The following FH variants were observed in gnomAD, a reference collection of about 807,000 sequenced individuals.
FH encodes fumarate hydratase, also known as fumarate hydratase, mitochondrial.
Under a neutral mutation model 49.4 loss-of-function variants are expected in FH, and 22 were observed. The ratio of observed to expected loss-of-function variants is 0.45; its 90% CI spans 0.32 to 0.64. FH has a LOEUF of 0.64. Ranked by LOEUF, FH falls within the 30% of genes least tolerant of loss-of-function variation. The probability of loss-of-function intolerance (pLI) is 0.05; values close to 1 mark genes in which losing one functional copy is unlikely to be tolerated. For missense variants in FH, 526 were observed against 641.5 expected, an observed-to-expected ratio of 0.82 and a Z score of 1.95; for synonymous variants, 208 against 223.0, an observed-to-expected ratio of 0.93 and a Z score of 0.60.
rs2147915063 is a variant in FH, at chr1:241,502,585, C to A, written c.1109-15G>T. The A allele has an allele frequency of 1.2e-6, 2 of 1,613,748 alleles. No individual in the cohort carries two copies. The highest frequency in any genetic ancestry group is 1.1e-5 in the South Asian group (1 of 91,062). On this transcript the variant is annotated splice_polypyrimidine_tract_variant and intron_variant, in intron 7 of 9. Transcript: ENST00000366560. Reference sequence around the variant, plus strand: ...GTTCACCTTGCCTTCAAGAAAACCACCAATGACAGAGTAAAGACTAAATTT... The same window carrying A: ...GTTCACCTTGCCTTCAAGAAAACCAACAATGACAGAGTAAAGACTAAATTT...
At chr1:241,504,780 T>C (rs1256889277) in intron 6 of FH, among the ~76,000 whole-genome samples, 1 of 152,040 alleles carries the variant, frequency 6.6e-6, no homozygotes, top group Non-Finnish European at 1.5e-5. Flanking sequence ...ATAACAAGTA[T>C]GATAAATGTA....
At chr1:241,503,099 C>T (rs1221601992) in intron 7 of FH, among the ~76,000 whole-genome samples, 1 of 152,134 alleles carries the variant, frequency 6.6e-6, no homozygotes, top group Non-Finnish European at 1.5e-5. Context: ...GGACAAGCTC[C>T]AAGTTTGAAT....
chr1:241,505,878 G>A, intron 6 of FH, 125 bp downstream of exon 6: 1 of 951,746 alleles, frequency 1.1e-6, no homozygotes, highest in South Asian at 1.4e-5. Context: ...TAAAACACAT[G>A]TTTGATGGAA....
rs1365119112 is a variant in FH, at chr1:241,512,000, A to T, written c.522T>A (p.Pro174=). ...TATTAACATGATCGTTGGGATGCACAGGTATCTTGCTGCCAAGTTCACCTC... is the reference window on the plus strand; with the variant it reads ...TATTAACATGATCGTTGGGATGCACTGGTATCTTGCTGCCAAGTTCACCTC... The part of the protein sequence containing the change: ...MLGGELGSKI[P]VHPNDHVNKS... The change falls in exon 4 of 10, where the codon CCT becomes CCA. Residue 174 remains proline (P), a synonymous_variant. Transcript: ENST00000366560. 1.9e-6 allele frequency: 3 copies of T among 1,614,030 alleles called. No homozygotes were observed. The highest frequency in any genetic ancestry group is 1.7e-6 in the Non-Finnish European group (2 of 1,179,958).
At chr1:241,514,789 C>T (rs1179250013) in intron 2 of FH, among the ~76,000 whole-genome samples, 4 of 152,170 alleles carry the variant, frequency 2.6e-5, no homozygotes, top group Non-Finnish European at 5.9e-5. Flanking sequence ...AAACGTTTGA[C>T]TCAAACGAAA....
intron 1 of FH, chr1:241,519,211 C>G (rs1660299569): frequency 4.4e-6 from 1 of 225,078 alleles, no homozygotes; most frequent in African/African-American, 2.4e-5. Flanking sequence ...ACCCTCCGCC[C>G]ACGCCGGCAC....
At chr1:241,510,997 A>G (rs988348306) in intron 4 of FH, among the ~76,000 whole-genome samples, 1 of 152,214 alleles carries the variant, frequency 6.6e-6, no homozygotes, top group African/African-American at 2.4e-5. Context: ...TCAAAAATTC[A>G]AAAGTCTCAA....
At chr1:241,517,587 T>A (rs1354173248) in intron 1 of FH, among the ~76,000 whole-genome samples, 6 of 152,188 alleles carry the variant, frequency 3.9e-5, no homozygotes, top group African/African-American at 1.4e-4. Flanking sequence ...ATACAAATAG[T>A]AATCTTTTCC....
intron 4 of FH, among the ~76,000 whole-genome samples, chr1:241,510,030 C>T (rs1660043528): frequency 1.3e-5 from 2 of 152,124 alleles, no homozygotes; most frequent in Non-Finnish European, 2.9e-5. Context: ...TCATCTATAA[C>T]TCTACCTTTC....
chr1:241,518,246 A>G (rs1243171229), intron 1 of FH, among the ~76,000 whole-genome samples: 3 of 152,210 alleles, frequency 2.0e-5, no homozygotes, highest in African/African-American at 7.2e-5. Flanking sequence ...AGAAAAAACA[A>G]AAACTACCTC....
chr1:241,514,261 T>C (rs1188270277), intron 2 of FH, among the ~76,000 whole-genome samples: 1 of 152,132 alleles, frequency 6.6e-6, no homozygotes, highest in Non-Finnish European at 1.5e-5. Flanking sequence ...CAAAAAGCAA[T>C]CTATTCTACT....
chr1:241,509,778 AACAC>A (rs71174810), intron 4 of FH, among the ~76,000 whole-genome samples: 30,723 of 139,096 alleles, frequency 0.22, 3,567 homozygotes, highest in Non-Finnish European at 0.28. Context: ...ACAATCTCTA[AACAC>A]ACACACACAC....
intron 7 of FH, among the ~76,000 whole-genome samples, chr1:241,503,829 G>A (rs1390123370): frequency 3.3e-5 from 5 of 152,224 alleles, no homozygotes; most frequent in Admixed American, 6.5e-5. Context: ...TGTGGGATTC[G>A]AAATACTTGC....
chr1:241,505,558 C>G (rs1374818686), intron 6 of FH, among the ~76,000 whole-genome samples: 3 of 152,054 alleles, frequency 2.0e-5, no homozygotes, highest in African/African-American at 7.2e-5. Flanking sequence ...GTATAATACT[C>G]TCTCTACTAA....
At chr1:241,515,555 C>T (rs959521735) in intron 2 of FH, among the ~76,000 whole-genome samples, 10 of 152,122 alleles carry the variant, frequency 6.6e-5, no homozygotes, top group African/African-American at 2.2e-4. Flanking sequence ...AAAGATTCAG[C>T]TGCCTGTTGT....
In FH at chr1:241,519,413, C is replaced by T. The variant is rs371252889; in HGVS notation, c.132+178G>A. 1,246 of 709,180 alleles carry T rather than the reference C, an allele frequency of 1.8e-3. 10 individuals carry two copies. In the African/African-American group the frequency reaches 0.019, roughly 11 times the overall value. The allele number at this position is 709,180 out of a possible 1,614,324, so 43.9% of individuals were successfully genotyped here. A position where few individuals can be genotyped will look rare whatever the true frequency, so the allele number is the denominator to read the frequency against. On this transcript the variant is annotated intron_variant, in intron 1 of 9. Transcript: ENST00000366560. ...CCGGGCTGCGGCTCCATCCCTGCGC[C>T]GGAAGAGGCGTCCCGAGGCCGGGAG...
intron 2 of FH, among the ~76,000 whole-genome samples, chr1:241,514,964 C>A (rs1660178613): frequency 6.6e-6 from 1 of 152,084 alleles, no homozygotes; most frequent in Admixed American, 6.5e-5. Flanking sequence ...GAGTGAATGA[C>A]CCCCAGTGTT....
chr1:241,507,284 G>T (rs926304201), intron 5 of FH, among the ~76,000 whole-genome samples: 1 of 152,140 alleles, frequency 6.6e-6, no homozygotes, highest in Non-Finnish European at 1.5e-5. Context: ...AAAAGGCTAT[G>T]CCATATAGCC....
chr1:241,512,062 T>G lies in FH; in HGVS notation c.460A>C (p.Asn154His), dbSNP rs1660099016. ...GSGTQTNMNVNEVISNRAIEM... is the reference protein window; with the variant it reads ...GSGTQTNMNVHEVISNRAIEM... ...ATTGCTCTATTGCTAATGACTTCATTTACATTCATATTTGTCTGAGTTCCT... is the reference window on the plus strand; with the variant it reads ...ATTGCTCTATTGCTAATGACTTCATGTACATTCATATTTGTCTGAGTTCCT... Residue 154 changes from asparagine (N) to histidine (H), a missense_variant, in exon 4 of 10, where the codon AAT (asparagine) becomes CAT (histidine). By Grantham distance (68) the Asn-to-His change is moderately conservative. Around this residue, in one of 2 missense-constraint regions of FH, gnomAD observed 383 missense variants for 514.0 expected, o/e 0.75. Transcript: ENST00000366560. 1 of 1,613,810 alleles carries G rather than the reference T, an allele frequency of 6.2e-7. No individual in the cohort carries two copies. Among genetic ancestry groups the G allele is most frequent in the East Asian group, 2.2e-5 (1 of 44,882 alleles).
Sources: gnomAD v4.1 joint callset for allele counts (sites outside exome capture counted in the v4.1 genomes callset) on GRCh38, gnomAD v4.1.1 for gene constraint, gnomAD v4.1.1 regional missense constraint, MANE v1.5 for transcripts, NCBI Gene and HGNC (gene_info 2026-07-23, HGNC 2026-07-21) for gene names.